HLCS: variants seen among roughly 807,000 people sequenced by gnomAD.
HLCS encodes biotin--protein ligase.
A neutral mutation model predicts 75.0 loss-of-function variants in HLCS; 53 were observed. The ratio of observed to expected loss-of-function variants is 0.71; its 90% CI spans 0.57 to 0.89. The LOEUF (loss-of-function observed/expected upper bound fraction) is 0.89. HLCS is among the 40% of genes least tolerant of loss of function. The pLI is 0.00. For missense variants in HLCS, 966 were observed against 1,074.0 expected, an observed-to-expected ratio of 0.90 and a Z score of 1.41; for synonymous variants, 431 against 428.6, an observed-to-expected ratio of 1.01 and a Z score of -0.07.
chr21:36,850,968 A>G (rs2062981086), intron 6 of HLCS, among the ~76,000 whole-genome samples: 1 of 152,056 alleles, frequency 6.6e-6, no homozygotes, highest in Non-Finnish European at 1.5e-5. Flanking sequence ...GCCATTGTTG[A>G]GGGGCTGTAG....
chr21:36,901,169 G>A (rs2146352679), intron 5 of HLCS, among the ~76,000 whole-genome samples: 1 of 152,272 alleles, frequency 6.6e-6, no homozygotes, highest in East Asian at 1.9e-4. Context: ...GCTGAACTCA[G>A]GAGGTGGAGG....
chr21:36,809,308 G>A (rs993380442), intron 6 of HLCS, among the ~76,000 whole-genome samples: 1 of 152,162 alleles, frequency 6.6e-6, no homozygotes, highest in Non-Finnish European at 1.5e-5. Context: ...GGTTTCCAGT[G>A]AGAAGTCAGC....
At chr21:36,954,696 T>A (rs1024997348) in intron 2 of HLCS, among the ~76,000 whole-genome samples, 1 of 152,202 alleles carries the variant, frequency 6.6e-6, no homozygotes, top group Non-Finnish European at 1.5e-5. Flanking sequence ...CTGGTTTATG[T>A]GTTTTCTATG....
chr21:36,840,464 C>T (rs2062577471), intron 6 of HLCS, among the ~76,000 whole-genome samples: 1 of 151,922 alleles, frequency 6.6e-6, no homozygotes, highest in Non-Finnish European at 1.5e-5. Flanking sequence ...TATTTTTGGA[C>T]CTCTTATAGT....
chr21:36,878,874 A>C (rs2064089756), intron 6 of HLCS, among the ~76,000 whole-genome samples: 2 of 152,184 alleles, frequency 1.3e-5, no homozygotes, highest in Non-Finnish European at 2.9e-5. Context: ...TAGGGCTCTT[A>C]ACACAGATAA....
rs148814769 is a variant in HLCS, at chr21:36,897,033, G to A, written c.1719C>T (p.Tyr573=). Residue 573 remains tyrosine, a synonymous_variant, in exon 6 of 11, where the codon TAC becomes TAT. Coordinates refer to ENST00000674895, the MANE Select transcript of HLCS (RefSeq NM_001352514.2). The part of the protein sequence containing the change: ...GQLSLRFVSS[Y]VSEVEITPSC... ...ATGGGGTTATTTCTACTTCAGACAC[G>A]TAGGATGAAACAAATCTAAGAGAGA... The A allele has an allele frequency of 9.3e-6, 15 of 1,614,014 alleles. No homozygotes were observed. The highest frequency in any genetic ancestry group is 2.2e-5 in the East Asian group (1 of 44,892).
intron 6 of HLCS, among the ~76,000 whole-genome samples, chr21:36,789,200 G>C (rs2060786541): frequency 6.6e-6 from 1 of 152,154 alleles, no homozygotes; most frequent in East Asian, 1.9e-4. Flanking sequence ...GACCACAGGT[G>C]TGTGCCACCA....
intron 5 of HLCS, among the ~76,000 whole-genome samples, chr21:36,903,565 C>T (rs1336398887): frequency 6.6e-6 from 1 of 152,070 alleles, no homozygotes; most frequent in Non-Finnish European, 1.5e-5. Context: ...ATACAAATAT[C>T]CCATTCAAAG....
intron 6 of HLCS, among the ~76,000 whole-genome samples, chr21:36,768,574 G>A (rs1294005462): frequency 6.6e-6 from 1 of 152,230 alleles, no homozygotes; most frequent in Non-Finnish European, 1.5e-5. Context: ...CCCTTCACGT[G>A]TTAAAAAGAC....
At chr21:36,927,525 G>A (rs1444253776) in intron 5 of HLCS, among the ~76,000 whole-genome samples, 4 of 152,208 alleles carry the variant, frequency 2.6e-5, no homozygotes, top group Non-Finnish European at 5.9e-5. Flanking sequence ...CAGCTGGTAC[G>A]CAGTAAAACT....
At chr21:36,905,906 C>T (rs1466732629) in intron 5 of HLCS, among the ~76,000 whole-genome samples, 2 of 151,752 alleles carry the variant, frequency 1.3e-5, no homozygotes, top group South Asian at 2.1e-4. Context: ...CAAAATTAGC[C>T]GGGTGTGGTG....
At chr21:36,946,984 G>A (rs1601839737) in intron 2 of HLCS, among the ~76,000 whole-genome samples, 1 of 152,176 alleles carries the variant, frequency 6.6e-6, no homozygotes, top group African/African-American at 2.4e-5. Context: ...AACTAACACC[G>A]TGGCAGGGCA....
At chr21:36,887,925 C>T (rs1216737009) in intron 6 of HLCS, among the ~76,000 whole-genome samples, 1 of 152,204 alleles carries the variant, frequency 6.6e-6, no homozygotes, top group African/African-American at 2.4e-5. Flanking sequence ...CAAAAGCCAT[C>T]TGGAAAGCTA....
intron 5 of HLCS, among the ~76,000 whole-genome samples, chr21:36,922,431 G>T (rs188644504): frequency 5.6e-4 from 86 of 152,272 alleles, no homozygotes; most frequent in African/African-American, 2.0e-3. Context: ...ATGTAGAATT[G>T]TACTGGAAAC....
chr21:36,759,349 G>A (rs1367474995), intron 9 of HLCS, among the ~76,000 whole-genome samples: 3 of 152,194 alleles, frequency 2.0e-5, no homozygotes, highest in Non-Finnish European at 4.4e-5. Context: ...GCCCAGGAAG[G>A]TCACGATAAG....
At chr21:36,893,555 A>G (rs2064881309) in intron 6 of HLCS, among the ~76,000 whole-genome samples, 1 of 152,194 alleles carries the variant, frequency 6.6e-6, no homozygotes, top group Non-Finnish European at 1.5e-5. Context: ...TGTGGAAGAC[A>G]GTTTGTCCAT....
intron 6 of HLCS, among the ~76,000 whole-genome samples, chr21:36,836,418 C>T (rs959356273): frequency 5.3e-5 from 8 of 150,748 alleles, no homozygotes; most frequent in Admixed American, 1.3e-4. Context: ...CCCACTAACT[C>T]GTCATCTAGC....
intron 6 of HLCS, among the ~76,000 whole-genome samples, chr21:36,809,735 T>C (rs1362398453): frequency 6.6e-6 from 1 of 152,182 alleles, no homozygotes; most frequent in Non-Finnish European, 1.5e-5. Context: ...TCATTTAGGA[T>C]AGTTTTGTTT....
At chr21:36,775,115 G>A (rs2060316812) in intron 6 of HLCS, among the ~76,000 whole-genome samples, 1 of 152,230 alleles carries the variant, frequency 6.6e-6, no homozygotes, top group African/African-American at 2.4e-5. Flanking sequence ...CAGAAGCAGA[G>A]AGATGCCTGT....
Sources: allele counts gnomAD v4.1 joint callset (sites outside exome capture counted in the v4.1 genomes callset), GRCh38; gene constraint gnomAD v4.1.1; transcripts MANE v1.5; gene names NCBI Gene and HGNC (gene_info 2026-07-23, HGNC 2026-07-21).